The following FAR2 variants were observed in gnomAD, a reference collection of about 807,000 sequenced individuals.
FAR2 encodes the protein fatty acyl-CoA reductase 2, also known as epididymis secretory protein Li 81.
FAR2 carries 19 observed loss-of-function variants against 56.0 expected under a neutral mutation model. The observed-to-expected ratio is 0.34, with a 90% CI of 0.24 to 0.50. The LOEUF is 0.50. Ranked by LOEUF, FAR2 falls within the 20% of genes least tolerant of loss-of-function variation. FAR2 has a pLI of 0.98. For missense variants in FAR2, 508 were observed against 642.2 expected (o/e 0.79, Z 2.26); for synonymous variants, 219 against 218.8 (o/e 1.00, Z -0.01).
At chr12:29,266,932 C>G (rs1345023716) in intron 1 of FAR2, among the ~76,000 whole-genome samples, 2 of 152,094 alleles carry the variant, frequency 1.3e-5, no homozygotes, top group Non-Finnish European at 1.5e-5. Context: ...TATGACTCCA[C>G]TAGAGTGTAT....
In FAR2 at chr12:29,270,130, T is replaced by C. The variant is rs192230724; in HGVS notation, c.-38-282T>C. 2.1e-4 allele frequency among the ~76,000 whole-genome samples: 32 copies of C among 152,350 alleles called. No individual in the cohort carries two copies. The East Asian group carries it at 5.8e-3, about 28-fold the overall frequency. Reference sequence around the variant, plus strand: ...TATATTGTATTTAACAGTCTCTTTATTGTCTGCCTCCTCCATTAGACTGCA... The same window carrying C: ...TATATTGTATTTAACAGTCTCTTTACTGTCTGCCTCCTCCATTAGACTGCA... On this transcript the variant is annotated intron_variant, in intron 1 of 11. Transcript: ENST00000536681.
At chr12:29,273,456 G>A (rs1258608067) in intron 2 of FAR2, among the ~76,000 whole-genome samples, 1 of 152,226 alleles carries the variant, frequency 6.6e-6, no homozygotes, top group African/African-American at 2.4e-5. Context: ...GGCTGCCACG[G>A]TGTGTAGGGC....
chr12:29,166,985 T>A (rs1949836106), intron 1 of FAR2, among the ~76,000 whole-genome samples: 2 of 152,224 alleles, frequency 1.3e-5, no homozygotes, highest in Non-Finnish European at 2.9e-5. Context: ...GTCAATTACT[T>A]TAAGAGTACC....
intron 10 of FAR2, among the ~76,000 whole-genome samples, chr12:29,328,908 G>A (rs923849006): frequency 8.1e-4 from 121 of 148,952 alleles, no homozygotes; most frequent in Non-Finnish European, 1.6e-3. Flanking sequence ...TTAAAAAAAA[G>A]AAAAAAAAAC....
chr12:29,194,419 G>A (rs1191388526), intron 1 of FAR2, among the ~76,000 whole-genome samples: 2 of 151,854 alleles, frequency 1.3e-5, no homozygotes, highest in Non-Finnish European at 2.9e-5. Context: ...CATTCCATGA[G>A]ACCCACTTTC....
chr12:29,151,442 C>T (rs1949680687), intron 1 of FAR2: 1 of 152,112 alleles, frequency 6.6e-6, no homozygotes, highest in Non-Finnish European at 1.5e-5. Context: ...TCTAGATGTC[C>T]AGAGGCTCCA....
chr12:29,235,261 T>C (rs530483537), intron 1 of FAR2, among the ~76,000 whole-genome samples: 2 of 152,308 alleles, frequency 1.3e-5, no homozygotes, highest in South Asian at 4.1e-4. Context: ...GTATGATTAA[T>C]GTACTAGAAT....
intron 1 of FAR2, among the ~76,000 whole-genome samples, chr12:29,249,634 A>G (rs1306351514): frequency 1.3e-5 from 2 of 152,176 alleles, no homozygotes; most frequent in Non-Finnish European, 2.9e-5. Context: ...GCAACTAGAA[A>G]CTTAGACTTA....
At chr12:29,168,937 C>G (rs1949858597) in intron 1 of FAR2, among the ~76,000 whole-genome samples, 1 of 152,160 alleles carries the variant, frequency 6.6e-6, no homozygotes, top group Non-Finnish European at 1.5e-5. Context: ...GTCCATTTTA[C>G]AGAGTGCTGA....
chr12:29,152,406 A>G lies in FAR2; in HGVS notation c.-39+2999A>G, dbSNP rs530483092. Among the ~76,000 whole-genome samples the G allele has an allele frequency of 3.9e-5, 6 of 152,318 alleles. No homozygotes were observed. In the East Asian group the frequency reaches 9.6e-4, roughly 24 times the overall value. On this transcript the variant is annotated intron_variant, in intron 1 of 11. Transcript: ENST00000536681. Reference sequence around the variant, plus strand: ...TGGTGCCTCTTAAAGAGGAACTGAGAAAACAGGCAAGTCCTCTGTCCCCAG... The same window carrying G: ...TGGTGCCTCTTAAAGAGGAACTGAGGAAACAGGCAAGTCCTCTGTCCCCAG...
intron 1 of FAR2, among the ~76,000 whole-genome samples, chr12:29,254,929 G>A (rs1428039908): frequency 6.6e-6 from 1 of 150,466 alleles, no homozygotes; most frequent in Non-Finnish European, 1.5e-5. Context: ...CTCCAGCCTG[G>A]GTGAAAGAGC....
chr12:29,253,052 T>C (rs1434109738), intron 1 of FAR2, among the ~76,000 whole-genome samples: 1 of 152,084 alleles, frequency 6.6e-6, no homozygotes, highest in East Asian at 1.9e-4. Context: ...AGATGTCCTT[T>C]GGATTCAAAC....
intron 10 of FAR2, among the ~76,000 whole-genome samples, chr12:29,329,146 G>A (rs1949694128): frequency 6.6e-6 from 1 of 152,134 alleles, no homozygotes; most frequent in African/African-American, 2.4e-5. Context: ...ATTCAGAAAT[G>A]TTTACATATC....
intron 1 of FAR2, among the ~76,000 whole-genome samples, chr12:29,252,653 C>A (rs1365125495): frequency 2.0e-5 from 3 of 152,172 alleles, no homozygotes; most frequent in Admixed American, 6.5e-5. Context: ...AAACATCAAC[C>A]AAGAGCTTTG....
intron 1 of FAR2, among the ~76,000 whole-genome samples, chr12:29,209,220 T>G (rs1357126862): frequency 6.6e-6 from 1 of 152,190 alleles, no homozygotes; most frequent in African/African-American, 2.4e-5. Flanking sequence ...AGTAACAAAA[T>G]GCTGTCCCCT....
rs1230685170 is a variant in FAR2 at position 29,307,420 on chromosome 12, CCTACCTACCTAT to C, written c.546-235_546-224del. Among the ~76,000 whole-genome samples the C allele has an allele frequency of 4.4e-4, 67 of 152,026 alleles. 2 individuals are homozygous for C. In the South Asian group the frequency reaches 5.0e-3, roughly 11 times the overall value. On this transcript the variant is annotated intron_variant, in intron 4 of 11. Transcript: ENST00000536681. ...ACCTACCTGCCTGCCTACCTACCTA[CCTACCTACCTAT>C]CTGTTTGGATGGGAGGGCATAGGAT...
intron 1 of FAR2, among the ~76,000 whole-genome samples, chr12:29,171,167 C>G (rs960411280): frequency 1.3e-5 from 2 of 152,204 alleles, no homozygotes; most frequent in Non-Finnish European, 2.9e-5. Flanking sequence ...GAAAGCCATG[C>G]CAGTGTCCAG....
In FAR2 at chr12:29,213,476, G is replaced by A. The variant is rs570410982; in HGVS notation, c.-38-56936G>A. Among the ~76,000 whole-genome samples the A allele has an allele frequency of 3.9e-5, 6 of 152,220 alleles. No individual in the cohort carries two copies. The East Asian group carries it at 7.8e-4, about 20-fold the overall frequency. Reference sequence around the variant, plus strand: ...AGGCCAAGGCGGGTAGATCACCTGAGGCCAGGAATTTGAGACCAGCCTGGT... The same window carrying A: ...AGGCCAAGGCGGGTAGATCACCTGAAGCCAGGAATTTGAGACCAGCCTGGT... On this transcript the variant is annotated intron_variant, in intron 1 of 11. Coordinates refer to ENST00000536681, the MANE Select transcript of FAR2 (RefSeq NM_001271783.2).
At chr12:29,170,161 C>T (rs1009323836) in intron 1 of FAR2, among the ~76,000 whole-genome samples, 1 of 152,196 alleles carries the variant, frequency 6.6e-6, no homozygotes, top group Non-Finnish European at 1.5e-5. Context: ...TTTGAGCAGA[C>T]CAGTTGTTAG....
Sources: gnomAD v4.1 joint callset for allele counts (sites outside exome capture counted in the v4.1 genomes callset) on GRCh38, gnomAD v4.1.1 for gene constraint, MANE v1.5 for transcripts, NCBI Gene and HGNC (gene_info 2026-07-23, HGNC 2026-07-21) for gene names.